RORA: variants seen among roughly 807,000 people sequenced by gnomAD.
RORA encodes nuclear receptor ROR-alpha.
RORA carries 7 observed loss-of-function variants against 69.5 expected under a neutral mutation model. That is an observed-to-expected ratio of 0.10 (90% CI 0.06 to 0.19). The LOEUF is 0.19. Ranked by LOEUF, RORA falls within the 10% of genes least tolerant of loss-of-function variation. RORA has a pLI of 1.00. For missense variants in RORA, 457 were observed against 663.0 expected (o/e 0.69, Z 3.41); for synonymous variants, 261 against 240.8 (o/e 1.08, Z -0.78).
chr15:61,015,527 T>A (rs985056588), intron 1 of RORA, among the ~76,000 whole-genome samples: 1 of 152,192 alleles, frequency 6.6e-6, no homozygotes, highest in African/African-American at 2.4e-5. Context: ...TTTCTAATTT[T>A]CCAATAACAC....
At chr15:60,909,065 G>A (rs1384972122) in intron 1 of RORA, among the ~76,000 whole-genome samples, 1 of 152,138 alleles carries the variant, frequency 6.6e-6, no homozygotes. Context: ...GCAAGTTGAA[G>A]CATGTCCTGG....
intron 2 of RORA, among the ~76,000 whole-genome samples, chr15:60,644,391 GT>G (rs1005197928): frequency 1.9e-4 from 29 of 152,194 alleles, no homozygotes; most frequent in Admixed American, 9.8e-4. Flanking sequence ...GTCGTCTCCT[GT>G]TTTGGGGGGC....
chr15:60,624,407 C>T (rs148722246), intron 2 of RORA, among the ~76,000 whole-genome samples: 5 of 142,434 alleles, frequency 3.5e-5, no homozygotes, highest in African/African-American at 5.2e-5. Flanking sequence ...TCCAGGGACA[C>T]GACCCGCTGA....
At chr15:60,543,557 C>A (rs2066971348) in intron 2 of RORA, among the ~76,000 whole-genome samples, 1 of 152,144 alleles carries the variant, frequency 6.6e-6, no homozygotes, top group African/African-American at 2.4e-5. Context: ...CAGCTCACTG[C>A]AACCTCCACT....
At chr15:60,970,476 C>A (rs1488769630) in intron 1 of RORA, among the ~76,000 whole-genome samples, 1 of 152,186 alleles carries the variant, frequency 6.6e-6, no homozygotes, top group Non-Finnish European at 1.5e-5. Context: ...TAGAATGCAA[C>A]AAGACCTCGT....
chr15:60,689,804 GC>G (rs1371314326), intron 1 of RORA, among the ~76,000 whole-genome samples: 2 of 152,156 alleles, frequency 1.3e-5, no homozygotes, highest in Non-Finnish European at 2.9e-5. Context: ...ATAGCTATAA[GC>G]TCAAGAATGC....
chr15:60,549,290 AG>A (rs2067162424), intron 2 of RORA, among the ~76,000 whole-genome samples: 1 of 152,236 alleles, frequency 6.6e-6, no homozygotes. Context: ...TGATTTTCTT[AG>A]GTAGCGAGCA....
intron 2 of RORA, among the ~76,000 whole-genome samples, chr15:60,609,444 C>G (rs2069031958): frequency 6.6e-6 from 1 of 152,120 alleles, no homozygotes; most frequent in African/African-American, 2.4e-5. Flanking sequence ...TAGGGAATGA[C>G]AGACCCAGAA....
chr15:60,659,377 A>G (rs193145743), intron 2 of RORA, among the ~76,000 whole-genome samples: 1 of 152,314 alleles, frequency 6.6e-6, no homozygotes. Flanking sequence ...CATCTCTAAC[A>G]TGGGAGGTGA....
chr15:61,178,943 C>T (rs2079656359), intron 1 of RORA, among the ~76,000 whole-genome samples: 1 of 152,172 alleles, frequency 6.6e-6, no homozygotes, highest in Non-Finnish European at 1.5e-5. Flanking sequence ...TTTAACATGA[C>T]CCATCTACAT....
chr15:60,617,655 C>CAG (rs1412525542), intron 2 of RORA, among the ~76,000 whole-genome samples: 1 of 102,462 alleles, frequency 9.8e-6, no homozygotes, highest in Admixed American at 1.0e-4. Context: ...TACACACATA[C>CAG]AGACAGAGAG....
rs1241849761 is a variant in RORA, at chr15:61,226,776, G to A, written c.166+2277C>T. 6.6e-6 allele frequency among the ~76,000 whole-genome samples: 1 copy of A among 151,946 alleles called. No individual in the cohort carries two copies. ...GACTGTTATATAACCTAGTGCCTGC[G>A]TGCAGGATGTGAGTTGAGTGTTTGG... On this transcript the variant is annotated intron_variant, in intron 1 of 10. Transcript: ENST00000335670. This position sits in a 1 kb window ranked among gnomAD's most constrained non-coding sequence, Gnocchi z 4.2.
At chr15:61,067,342 G>A (rs926576904) in intron 1 of RORA, among the ~76,000 whole-genome samples, 2 of 151,884 alleles carry the variant, frequency 1.3e-5, no homozygotes, top group African/African-American at 4.8e-5. Context: ...CTGACCTTGT[G>A]ATCCGCCCGC....
At chr15:60,561,680 A>C (rs1234386761) in intron 2 of RORA, among the ~76,000 whole-genome samples, 2 of 152,162 alleles carry the variant, frequency 1.3e-5, no homozygotes, top group Middle Eastern at 3.2e-3. Flanking sequence ...CTATAGAAGG[A>C]AAGTACATCT....
intron 8 of RORA, 68 bp downstream of exon 8, chr15:60,502,692 C>T: frequency 1.0e-6 from 1 of 966,570 alleles, no homozygotes; most frequent in Non-Finnish European, 1.6e-6. Context: ...CCAAGCAGAG[C>T]TTTCACTCAA....
rs563296262 is a variant in RORA, at chr15:61,062,921, GT to G, written c.166+166131del. Among the ~76,000 whole-genome samples the G allele has an allele frequency of 3.3e-3, 500 of 151,096 alleles. 4 individuals carry two copies. The highest frequency in any genetic ancestry group is 0.011 in the African/African-American group (458 of 41,122). ...ACATGAACTCTTGTTTTCTATATTTGTTTTTTTTTCTAAGTTATGATAATCT... is the reference window on the plus strand; with the variant it reads ...ACATGAACTCTTGTTTTCTATATTTGTTTTTTTTCTAAGTTATGATAATCT... On this transcript the variant is annotated intron_variant, in intron 1 of 10. Transcript: ENST00000335670.
At chr15:60,638,516 T>C (rs1217726313) in intron 2 of RORA, among the ~76,000 whole-genome samples, 7 of 152,068 alleles carry the variant, frequency 4.6e-5, no homozygotes, top group African/African-American at 1.2e-4. Context: ...GTGGATTTTC[T>C]ATTTCTTCAC....
In RORA at chr15:60,511,964, G is replaced by A. The variant is rs1483677872; in HGVS notation, c.425-343C>T. The A allele has an allele frequency of 1.7e-5, 4 of 237,042 alleles. No homozygotes were observed. In the South Asian group the frequency reaches 1.9e-4, roughly 11 times the overall value. The allele number at this position is 237,042 out of a possible 1,614,324, so 14.7% of individuals were successfully genotyped here. On this transcript the variant is annotated intron_variant, in intron 4 of 10. Transcript: ENST00000335670. This position sits in a 1 kb window ranked among gnomAD's most constrained non-coding sequence, Gnocchi z 6.4. ...TAATGGGCTTGTTCACTCTCCCCCCGTGCAGCTGGCTTAGGCTACCTCTTT... is the reference window on the plus strand; with the variant it reads ...TAATGGGCTTGTTCACTCTCCCCCCATGCAGCTGGCTTAGGCTACCTCTTT...
intron 2 of RORA, among the ~76,000 whole-genome samples, chr15:60,558,666 T>C (rs1040794198): frequency 5.3e-5 from 8 of 152,316 alleles, no homozygotes; most frequent in African/African-American, 1.2e-4. Context: ...TTAAAACCTA[T>C]TGGAGATTGG....
Sources: gnomAD v4.1 joint callset for allele counts (sites outside exome capture counted in the v4.1 genomes callset) on GRCh38, gnomAD v4.1.1 for gene constraint, Gnocchi (gnomAD v3.1) non-coding constraint, MANE v1.5 for transcripts, NCBI Gene and HGNC (gene_info 2026-07-23, HGNC 2026-07-21) for gene names.